Variants in PPP1CB observed in about 807,000 individuals in gnomAD.
PPP1CB encodes protein phosphatase 1 catalytic subunit beta, also known as serine/threonine-protein phosphatase PP1-beta catalytic subunit.
In PPP1CB, 2 loss-of-function variants were observed where a neutral mutation model predicts 43.7. The ratio of observed to expected loss-of-function variants is 0.05; its 90% CI spans 0.02 to 0.14. The LOEUF is 0.14. Among genes scored for constraint, PPP1CB ranks in the 10% least tolerant of loss-of-function variants. PPP1CB has a pLI of 1.00. For synonymous variants in PPP1CB, 136 were observed against 135.6 expected (o/e 1.00, Z -0.02); for missense variants, 84 against 398.0 (o/e 0.21, Z 6.71).
intron 6 of PPP1CB, among the ~76,000 whole-genome samples, chr2:28,792,024 C>T (rs1056734356): frequency 2.0e-5 from 3 of 151,314 alleles, no homozygotes; most frequent in Non-Finnish European, 2.9e-5. Flanking sequence ...CAGTGAAACA[C>T]GAAACCCTGT....
intron 1 of PPP1CB, among the ~76,000 whole-genome samples, chr2:28,768,289 A>G (rs1397358735): frequency 1.3e-5 from 2 of 152,148 alleles, no homozygotes; most frequent in Non-Finnish European, 2.9e-5. Flanking sequence ...TGACGGTCTC[A>G]CTGGGCTAAG....
Position 28,802,286 on chromosome 2 carries a change from C to T in PPP1CB, c.*2983C>T, listed in dbSNP as rs909228375. The stretch of plus-strand genomic sequence containing the variant: ...AGGTATATTCTTTTTGTCTCCATGG[C>T]AACCATAACTTTTGAACCAAAAAAA... On this transcript the variant is annotated 3_prime_UTR_variant, in exon 8 of 8. Coordinates refer to ENST00000395366, the MANE Select transcript of PPP1CB (RefSeq NM_002709.3). The T allele has an allele frequency of 6.6e-6, 1 of 152,164 alleles. No homozygotes were observed. Among genetic ancestry groups the T allele is most frequent in the Non-Finnish European group, 1.5e-5 (1 of 68,038 alleles). The allele number at this position is 152,164 out of a possible 1,614,324, so 9.4% of individuals were successfully genotyped here.
At chr2:28,766,758 G>C (rs1049068816) in intron 1 of PPP1CB, among the ~76,000 whole-genome samples, 2 of 152,092 alleles carry the variant, frequency 1.3e-5, no homozygotes. Context: ...TTCAAGCACC[G>C]TTTTTACAGA....
At chr2:28,781,502 C>G (rs554619856) in intron 3 of PPP1CB, among the ~76,000 whole-genome samples, 1 of 152,188 alleles carries the variant, frequency 6.6e-6, no homozygotes, top group East Asian at 1.9e-4. Flanking sequence ...CCACCCCTAC[C>G]CCCAGCACAA....
chr2:28,763,967 C>A (rs1433433576), intron 1 of PPP1CB, among the ~76,000 whole-genome samples: 1 of 151,990 alleles, frequency 6.6e-6, no homozygotes, highest in Non-Finnish European at 1.5e-5. Flanking sequence ...TCCCAGAATG[C>A]TGGGATTACA....
intron 7 of PPP1CB, among the ~76,000 whole-genome samples, chr2:28,797,871 T>G (rs1208955334): frequency 6.6e-6 from 1 of 152,204 alleles, no homozygotes; most frequent in Non-Finnish European, 1.5e-5. Flanking sequence ...TTCAGTACTT[T>G]GCTTTTGCAA....
intron 6 of PPP1CB, among the ~76,000 whole-genome samples, chr2:28,791,420 T>A (rs983600368): frequency 2.0e-5 from 3 of 151,884 alleles, no homozygotes; most frequent in Admixed American, 2.0e-4. Flanking sequence ...AACCTCCACC[T>A]CCCGGGTTCA....
At chr2:28,757,384 G>A (rs1390535922) in intron 1 of PPP1CB, among the ~76,000 whole-genome samples, 1 of 152,068 alleles carries the variant, frequency 6.6e-6, no homozygotes, top group African/African-American at 2.4e-5. Context: ...CAATTCCGTT[G>A]GGTATATAGC....
chr2:28,752,803 T>A (rs1666355820), intron 1 of PPP1CB, among the ~76,000 whole-genome samples: 2 of 152,224 alleles, frequency 1.3e-5, no homozygotes, highest in Non-Finnish European at 2.9e-5. Context: ...GACAAGATAT[T>A]TGATCAGGTT....
chr2:28,773,381 T>C (rs1233760144), intron 1 of PPP1CB, among the ~76,000 whole-genome samples: 1 of 152,198 alleles, frequency 6.6e-6, no homozygotes. Context: ...TCTCTGCTGC[T>C]TCTCACTCCT....
chr2:28,784,931 A>AG lies in PPP1CB; in HGVS notation c.592+953_592+954insG, dbSNP rs549088042. On this transcript the variant is annotated intron_variant, in intron 5 of 7. Coordinates refer to ENST00000395366, the MANE Select transcript of PPP1CB (RefSeq NM_002709.3). The stretch of plus-strand genomic sequence containing the variant: ...TGAAACTGTCTCAAAAAAAAAAAAA[A>AG]AAAGAAAAAAGAAACAACAATCACC... Among the ~76,000 whole-genome samples, 188 of 119,376 alleles carry AG rather than the reference A, an allele frequency of 1.6e-3. 3 individuals are homozygous for AG. The highest frequency in any genetic ancestry group is 5.4e-3 in the Admixed American group (52 of 9,696). The allele number at this position is 119,376 out of a possible 152,430, so 78.3% of individuals were successfully genotyped here. A position where few individuals can be genotyped will look rare whatever the true frequency, so the allele number is the denominator to read the frequency against.
At position 28,781,732 on chromosome 2, in the gene PPP1CB, T is replaced by C. The variant is rs1034405903; in HGVS notation, c.416-6T>C. ...TTTTAATTTATTCTATCTGTTCTTT[T>C]TACAGGCAAACGAAGATTTAATATT... On this transcript the variant is annotated splice_polypyrimidine_tract_variant and splice_region_variant and intron_variant, in intron 3 of 7. Coordinates refer to ENST00000395366, the MANE Select transcript of PPP1CB (RefSeq NM_002709.3). 1 of 1,588,524 alleles carries C rather than the reference T, an allele frequency of 6.3e-7. No individual in the cohort carries two copies. The highest frequency in any genetic ancestry group is 1.4e-5 in the African/African-American group (1 of 73,886).
intron 1 of PPP1CB, among the ~76,000 whole-genome samples, chr2:28,763,393 ACTTAACAGTTTTAC>A (rs1341585726): frequency 6.6e-6 from 1 of 152,098 alleles, no homozygotes; most frequent in Admixed American, 6.6e-5. Flanking sequence ...GTACTGAGAC[ACTTAACAGTTTTAC>A]CCATCCTTGC....
At chr2:28,789,843 C>T (rs1039260785) in intron 6 of PPP1CB, among the ~76,000 whole-genome samples, 7 of 151,990 alleles carry the variant, frequency 4.6e-5, no homozygotes, top group East Asian at 1.9e-4. Context: ...AAGTGATCTG[C>T]GCCTCAGCCT....
At chr2:28,787,277 G>C (rs753734377) in intron 5 of PPP1CB, among the ~76,000 whole-genome samples, 1 of 152,132 alleles carries the variant, frequency 6.6e-6, no homozygotes, top group Non-Finnish European at 1.5e-5. Context: ...GGCTAACACA[G>C]TGAAACCCCA....
chr2:28,776,592 C>T (rs1278875775), intron 1 of PPP1CB, among the ~76,000 whole-genome samples: 1 of 152,078 alleles, frequency 6.6e-6, no homozygotes, highest in African/African-American at 2.4e-5. Context: ...GGCTACTAGG[C>T]CCCAGGTTGG....
At chr2:28,784,268 C>T (rs1572462631) in intron 5 of PPP1CB, among the ~76,000 whole-genome samples, 1 of 152,150 alleles carries the variant, frequency 6.6e-6, no homozygotes, top group Non-Finnish European at 1.5e-5. Flanking sequence ...CTCATTCATA[C>T]TAGCATTGGT....
chr2:28,764,826 T>G (rs142189560), intron 1 of PPP1CB, among the ~76,000 whole-genome samples: 1 of 151,604 alleles, frequency 6.6e-6, no homozygotes, highest in East Asian at 1.9e-4. Context: ...TAGATTGAGG[T>G]AGGAGATTCA....
At chr2:28,788,902 G>T (rs1558309402) in intron 6 of PPP1CB, 93 bp downstream of exon 6, 1 of 1,295,924 alleles carries the variant, frequency 7.7e-7, no homozygotes, top group Non-Finnish European at 1.0e-6. Flanking sequence ...CTGTCACCCA[G>T]GCTGGAGTGC....
Sources: gnomAD v4.1 joint callset for allele counts (sites outside exome capture counted in the v4.1 genomes callset) on GRCh38, gnomAD v4.1.1 for gene constraint, MANE v1.5 for transcripts, NCBI Gene and HGNC (gene_info 2026-07-23, HGNC 2026-07-21) for gene names.